The following RPF1 variants were observed in gnomAD, a reference collection of about 807,000 sequenced individuals.
The protein encoded by RPF1 is ribosome production factor 1.
RPF1 carries 34 observed loss-of-function variants against 41.9 expected under a neutral mutation model. The observed-to-expected ratio is 0.81, with a 90% confidence interval of 0.62 to 1.08. The LOEUF is 1.08. Among genes scored for constraint, RPF1 ranks in the 50% least tolerant of loss-of-function variants. The pLI, the probability that RPF1 is intolerant of heterozygous loss-of-function variation, is 0.00. For synonymous variants in RPF1, 140 were observed against 148.9 expected (o/e 0.94, Z 0.43); for missense variants, 425 against 435.2 (o/e 0.98, Z 0.21).
chr1:84,497,573 T>C lies in RPF1; in HGVS notation c.*103T>C. On this transcript the variant is annotated 3_prime_UTR_variant, in exon 9 of 9. Transcript: ENST00000370654. Reference sequence around the variant, plus strand: ...CTTTTCAAAATGGCATTTGCTGATTTCATAAACCTTTCACGTCTGGACGAA... The same window carrying C: ...CTTTTCAAAATGGCATTTGCTGATTCCATAAACCTTTCACGTCTGGACGAA... 1.2e-6 allele frequency: 1 copy of C among 810,848 alleles called. No individual in the cohort carries two copies. Among genetic ancestry groups the C allele is most frequent in the Non-Finnish European group, 1.9e-6 (1 of 517,462 alleles). The allele number at this position is 810,848 out of a possible 1,614,324, so 50.2% of individuals were successfully genotyped here. A position where few individuals can be genotyped will look rare whatever the true frequency, so the allele number is the denominator to read the frequency against.
rs2101880668 is a variant in RPF1, at chr1:84,479,522, C to G, written c.228+13C>G. The stretch of plus-strand genomic sequence containing the variant: ...GCAGCAGCGGAAGGTACGCGAGAGG[C>G]GGGGGCTGCCGGGCGCTTGCGCGTT... On this transcript the variant is annotated intron_variant, in intron 1 of 8. Transcript: ENST00000370654. 1 of 1,610,888 alleles carries G rather than the reference C, an allele frequency of 6.2e-7. No homozygotes were observed. Among genetic ancestry groups the G allele is most frequent in the East Asian group, 2.2e-5 (1 of 44,830 alleles).
intron 2 of RPF1, among the ~76,000 whole-genome samples, chr1:84,481,256 G>A (rs1417229444): frequency 6.6e-6 from 1 of 152,248 alleles, no homozygotes; most frequent in Non-Finnish European, 1.5e-5. Context: ...ATAACCACTC[G>A]TGAAATTTTT....
At chr1:84,492,641 C>T (rs980363598) in intron 5 of RPF1, among the ~76,000 whole-genome samples, 1 of 152,110 alleles carries the variant, frequency 6.6e-6, no homozygotes, top group Non-Finnish European at 1.5e-5. Context: ...TTTTAGTAAA[C>T]GTGGTATAGT....
intron 4 of RPF1, among the ~76,000 whole-genome samples, chr1:84,490,087 C>T (rs1358712274): frequency 6.6e-6 from 1 of 152,176 alleles, no homozygotes; most frequent in Admixed American, 6.5e-5. Context: ...TGTCTCCAGA[C>T]ATTGCCAAAT....
intron 3 of RPF1, among the ~76,000 whole-genome samples, chr1:84,486,401 C>T (rs1570347277): frequency 1.3e-5 from 2 of 151,858 alleles, no homozygotes; most frequent in South Asian, 4.2e-4. Context: ...TCCTGGCTAA[C>T]GTGGTGAAAC....
At chr1:84,484,024 A>AG (rs1681697988) in intron 3 of RPF1, among the ~76,000 whole-genome samples, 1 of 152,218 alleles carries the variant, frequency 6.6e-6, no homozygotes, top group African/African-American at 2.4e-5. Flanking sequence ...CTAGGAAGGG[A>AG]GACAAACAGT....
At chr1:84,492,156 G>GT (rs890329331) in intron 5 of RPF1, among the ~76,000 whole-genome samples, 40 of 112,644 alleles carry the variant, frequency 3.6e-4, no homozygotes, top group African/African-American at 1.9e-3. Context: ...GCAAGACTCT[G>GT]TCAAAAAAAA....
chr1:84,491,378 T>G (rs957133300), intron 5 of RPF1, among the ~76,000 whole-genome samples: 3 of 152,154 alleles, frequency 2.0e-5, no homozygotes, highest in African/African-American at 4.8e-5. Flanking sequence ...CAGAATAACA[T>G]TTTATTTCTA....
At chr1:84,492,269 C>G (rs1379461151) in intron 5 of RPF1, among the ~76,000 whole-genome samples, 1 of 152,136 alleles carries the variant, frequency 6.6e-6, no homozygotes, top group African/African-American at 2.4e-5. Flanking sequence ...AGGATTTAGC[C>G]TGTGGGAAAG....
At chr1:84,490,250 A>C (rs1681808207) in intron 4 of RPF1, 69 bp from the exon 5 acceptor site, 1 of 1,013,480 alleles carries the variant, frequency 9.9e-7, no homozygotes, top group Non-Finnish European at 1.4e-6. Flanking sequence ...TTCCTTATGA[A>C]TATGTACCAC....
intron 3 of RPF1, among the ~76,000 whole-genome samples, chr1:84,484,589 C>T (rs188206477): frequency 5.9e-5 from 9 of 152,054 alleles, no homozygotes; most frequent in Middle Eastern, 3.4e-3. Flanking sequence ...AATATGAGTT[C>T]GCCTGGGGTT....
At position 84,496,265 on chromosome 1, in the gene RPF1, GAA is replaced by G; in HGVS notation, c.905_906del (p.Lys302SerfsTer23). ...GAAGATACATATTCAGGAGTGAAAA[GAA>G]AGTGGGAATTCAGGAACTTGGACCA... ...FHRYIFRSEKKVGIQELGPRF... is the reference protein window; with the variant it reads ...FHRYIFRSEKXVGIQELGPRF... On this transcript the variant is annotated frameshift_variant, in exon 8 of 9. Coordinates refer to ENST00000370654, the MANE Select transcript of RPF1 (RefSeq NM_025065.7). LOFTEE classifies it high-confidence loss of function. The G allele has an allele frequency of 6.2e-7, 1 of 1,613,458 alleles. No individual in the cohort carries two copies. Among genetic ancestry groups the G allele is most frequent in the Non-Finnish European group, 8.5e-7 (1 of 1,179,588 alleles).
intron 2 of RPF1, among the ~76,000 whole-genome samples, chr1:84,482,234 A>G (rs576010309): frequency 6.6e-6 from 1 of 152,284 alleles, no homozygotes; most frequent in African/African-American, 2.4e-5. Context: ...GTACTCTTAC[A>G]ATTCTGTGTT....
At position 84,479,519 on chromosome 1, in the gene RPF1, A is replaced by G. The variant is rs776507178; in HGVS notation, c.228+10A>G. The G allele has an allele frequency of 1.2e-5, 20 of 1,612,448 alleles. 1 individual carries two copies. The highest frequency in any genetic ancestry group is 1.1e-4 in the South Asian group (10 of 91,024). ...ACAGCAGCAGCGGAAGGTACGCGAG[A>G]GGCGGGGGCTGCCGGGCGCTTGCGC... On this transcript the variant is annotated intron_variant, in intron 1 of 8. Transcript: ENST00000370654.
At chr1:84,495,498 AATATTTATTT>A in intron 6 of RPF1, 43 bp downstream of exon 6, 3 of 836,798 alleles carry the variant, frequency 3.6e-6, no homozygotes, top group Admixed American at 2.5e-5. Context: ...ATCTCTTCAC[AATATTTATTT>A]GATCAATAGA....
rs113635476 is a variant in RPF1 at position 84,490,280 on chromosome 1, T to C, written c.463-39T>C. ...TACCACATAAGATTTTTATTCTTTT[T>C]TGAAAACTATTCAAAATTTTTGTTA... is the stretch of plus-strand genomic sequence containing the variant. On this transcript the variant is annotated intron_variant, in intron 4 of 8. Coordinates refer to ENST00000370654, the MANE Select transcript of RPF1 (RefSeq NM_025065.7). 45 of 1,418,616 alleles carry C rather than the reference T, an allele frequency of 3.2e-5. 1 individual carries two copies. In the African/African-American group the frequency reaches 4.3e-4, roughly 13 times the overall value. 87.9% of individuals were successfully genotyped at this position (1,418,616 alleles called of 1,614,324 possible).
intron 5 of RPF1, among the ~76,000 whole-genome samples, chr1:84,491,857 C>G (rs905217873): frequency 6.6e-6 from 1 of 152,142 alleles, no homozygotes; most frequent in African/African-American, 2.4e-5. Context: ...CATCTATTGC[C>G]TTTAAAAAGT....
intron 3 of RPF1, among the ~76,000 whole-genome samples, chr1:84,484,865 G>C (rs184627671): frequency 6.2e-4 from 94 of 151,976 alleles, no homozygotes; most frequent in African/African-American, 2.2e-3. Flanking sequence ...GTAGAGACAG[G>C]GTTTCACCAT....
chr1:84,491,757 G>A (rs6662644), intron 5 of RPF1, among the ~76,000 whole-genome samples: 29,203 of 152,072 alleles, frequency 0.19, 4,333 homozygotes, highest in African/African-American at 0.41. Flanking sequence ...TAGTAACTCT[G>A]CTAAGAAGCA....
Sources: allele counts gnomAD v4.1 joint callset (sites outside exome capture counted in the v4.1 genomes callset), GRCh38; gene constraint gnomAD v4.1.1; transcripts MANE v1.5; gene names NCBI Gene and HGNC (gene_info 2026-07-23, HGNC 2026-07-21).